SYNPR: variants seen among roughly 807,000 people sequenced by gnomAD.
SYNPR encodes the protein synaptoporin.
Under a neutral mutation model 32.9 loss-of-function variants are expected in SYNPR, and 23 were observed. The observed-to-expected ratio is 0.70, with a 90% confidence interval of 0.50 to 0.99. SYNPR has a LOEUF of 0.99. SYNPR is among the 50% of genes least tolerant of loss of function. The pLI, the probability that SYNPR is intolerant of heterozygous loss-of-function variation, is 0.00. For missense variants in SYNPR, 318 were observed against 349.3 expected (o/e 0.91, Z 0.71); for synonymous variants, 146 against 135.9 (o/e 1.07, Z -0.52).
intron 3 of SYNPR, among the ~76,000 whole-genome samples, chr3:63,527,373 C>A (rs1341361141): frequency 7.1e-6 from 1 of 141,828 alleles, no homozygotes; most frequent in Admixed American, 7.4e-5. Context: ...TCTTCCCTTT[C>A]CTTTCCATTA....
intron 2 of SYNPR, among the ~76,000 whole-genome samples, chr3:63,291,081 A>G (rs1234827290): frequency 6.6e-6 from 1 of 152,194 alleles, no homozygotes; most frequent in Non-Finnish European, 1.5e-5. Flanking sequence ...AGCTGGATGA[A>G]TAGAGATTAT....
chr3:63,413,826 G>T (rs2088501144), intron 2 of SYNPR, among the ~76,000 whole-genome samples: 1 of 152,026 alleles, frequency 6.6e-6, no homozygotes, highest in South Asian at 2.1e-4. Flanking sequence ...GATGTGAAAG[G>T]CTCCACTGCC....
chr3:63,492,664 A>G (rs1343254919), intron 3 of SYNPR, among the ~76,000 whole-genome samples: 1 of 152,134 alleles, frequency 6.6e-6, no homozygotes, highest in African/African-American at 2.4e-5. Context: ...CAGAGATTAA[A>G]TCATTGTATG....
At chr3:63,574,306 C>T (rs2106851000) in intron 4 of SYNPR, among the ~76,000 whole-genome samples, 1 of 152,248 alleles carries the variant, frequency 6.6e-6, no homozygotes, top group Non-Finnish European at 1.5e-5. Flanking sequence ...TTCCAAAAAT[C>T]CTGACAGGTA....
intron 2 of SYNPR, among the ~76,000 whole-genome samples, chr3:63,334,190 A>T (rs1053109602): frequency 5.9e-5 from 9 of 152,166 alleles, no homozygotes; most frequent in African/African-American, 1.9e-4. Flanking sequence ...TTTCTTCAGC[A>T]TGTAAAAGCC....
At chr3:63,246,561 G>A (rs574348085) in intron 1 of SYNPR, among the ~76,000 whole-genome samples, 1 of 152,186 alleles carries the variant, frequency 6.6e-6, no homozygotes, top group East Asian at 1.9e-4. Context: ...TCTAGATGCA[G>A]GGGGTAGGTA....
chr3:63,317,687 G>T (rs2087057862), intron 2 of SYNPR, among the ~76,000 whole-genome samples: 1 of 151,930 alleles, frequency 6.6e-6, no homozygotes, highest in Admixed American at 6.6e-5. Context: ...TCATTCTGTA[G>T]TTCTGTATCT....
chr3:63,416,154 G>A (rs1360383950), intron 2 of SYNPR, among the ~76,000 whole-genome samples: 1 of 152,186 alleles, frequency 6.6e-6, no homozygotes, highest in African/African-American at 2.4e-5. Flanking sequence ...TAAGAAGGCT[G>A]GCATTTTATT....
intron 2 of SYNPR, among the ~76,000 whole-genome samples, chr3:63,257,688 A>T (rs1232550410): frequency 1.3e-5 from 2 of 151,884 alleles, no homozygotes; most frequent in African/African-American, 2.4e-5. Flanking sequence ...AGCTAACATC[A>T]TAATGACAGG....
intron 2 of SYNPR, among the ~76,000 whole-genome samples, chr3:63,390,202 T>C (rs1454024902): frequency 1.3e-5 from 2 of 152,204 alleles, no homozygotes; most frequent in East Asian, 3.9e-4. Flanking sequence ...ATGTGCCTGT[T>C]GCCTATTTTT....
At chr3:63,256,249 A>C (rs6785237) in intron 2 of SYNPR, among the ~76,000 whole-genome samples, 12,251 of 152,246 alleles carry the variant, frequency 0.08, 1,436 homozygotes, top group African/African-American at 0.26. Context: ...AGCTGGAGAT[A>C]TCAGAACGGA....
At chr3:63,276,412 G>C (rs1332825292), upstream of SYNPR, among the ~76,000 whole-genome samples, 2 of 152,078 alleles carry the variant, frequency 1.3e-5, no homozygotes, top group African/African-American at 4.8e-5. Flanking sequence ...TACATGCTGA[G>C]GGCTTATGAA....
intron 2 of SYNPR, among the ~76,000 whole-genome samples, chr3:63,467,848 G>A (rs1700713577): frequency 6.6e-6 from 1 of 152,116 alleles, no homozygotes; most frequent in Admixed American, 6.6e-5. Context: ...GGAGAGAGAT[G>A]ATTTGATGAC....
At chr3:63,542,843 A>G (rs1702331751) in intron 3 of SYNPR, among the ~76,000 whole-genome samples, 1 of 152,100 alleles carries the variant, frequency 6.6e-6, no homozygotes, top group Non-Finnish European at 1.5e-5. Context: ...ATGGTGAATC[A>G]GGCCATCTAT....
chr3:63,606,039 A>G (rs1700114054), intron 4 of SYNPR, among the ~76,000 whole-genome samples: 1 of 152,208 alleles, frequency 6.6e-6, no homozygotes, highest in Non-Finnish European at 1.5e-5. Context: ...TTTGATTTAT[A>G]CTAACTTATT....
intron 3 of SYNPR, 39 bp downstream of exon 3, chr3:63,480,995 G>A (rs752781258): frequency 7.1e-5 from 113 of 1,585,018 alleles, no homozygotes; most frequent in Non-Finnish European, 9.5e-5. Context: ...CCTCACAGGG[G>A]GTTATTTCTT....
At chr3:63,549,747 T>C (rs1313308112) in intron 3 of SYNPR, among the ~76,000 whole-genome samples, 1 of 152,142 alleles carries the variant, frequency 6.6e-6, no homozygotes, top group Non-Finnish European at 1.5e-5. Flanking sequence ...CTAAAAACTA[T>C]GGGGACTCAA....
At chr3:63,250,196 A>G (rs774155977) in intron 1 of SYNPR, among the ~76,000 whole-genome samples, 14 of 152,310 alleles carry the variant, frequency 9.2e-5, no homozygotes, top group South Asian at 8.3e-4. Flanking sequence ...GAATGTTCAG[A>G]CCACAAAGGA....
At chr3:63,559,220 C>T (rs988422041) in intron 4 of SYNPR, among the ~76,000 whole-genome samples, 6 of 151,784 alleles carry the variant, frequency 4.0e-5, no homozygotes, top group Non-Finnish European at 7.4e-5. Context: ...GGACTATAGG[C>T]GCACACCACC....
Sources: allele counts gnomAD v4.1 joint callset (sites outside exome capture counted in the v4.1 genomes callset), GRCh38; gene constraint gnomAD v4.1.1; transcripts MANE v1.5; gene names NCBI Gene and HGNC (gene_info 2026-07-23, HGNC 2026-07-21).